The following DDX19A variants were observed in gnomAD, a reference collection of about 807,000 sequenced individuals.
DDX19A encodes DEAD-box helicase 19A.
Under a neutral mutation model 60.6 loss-of-function variants are expected in DDX19A, and 12 were observed. The ratio of observed to expected loss-of-function variants is 0.20; its 90% CI spans 0.13 to 0.32. DDX19A has a LOEUF of 0.32. DDX19A is among the 10% of genes least tolerant of loss of function. The probability of loss-of-function intolerance (pLI) is 1.00; values close to 1 mark genes in which losing one functional copy is unlikely to be tolerated. For synonymous variants in DDX19A, 206 were observed against 218.2 expected (o/e 0.94, Z 0.49); for missense variants, 337 against 600.6 (o/e 0.56, Z 4.59).
intron 2 of DDX19A, 99 bp from the exon 3 acceptor site, chr16:70,355,382 TAAAA>T: frequency 1.1e-6 from 1 of 941,512 alleles, no homozygotes; most frequent in Non-Finnish European, 1.7e-6. Context: ...GTCTGAAAAA[TAAAA>T]AAATAAAATA....
intron 4 of DDX19A, 61 bp downstream of exon 4, chr16:70,356,308 C>A: frequency 6.3e-7 from 1 of 1,580,408 alleles, no homozygotes; most frequent in Non-Finnish European, 8.6e-7. Flanking sequence ...TAAAACTTAG[C>A]ATCTGAGAGA....
chr16:70,369,933 T>TC (rs1342532225), intron 9 of DDX19A, among the ~76,000 whole-genome samples: 2 of 152,134 alleles, frequency 1.3e-5, no homozygotes. Context: ...TTTCGTAAGA[T>TC]TACAAGCCAG....
intron 5 of DDX19A, among the ~76,000 whole-genome samples, chr16:70,362,815 C>G (rs568430786): frequency 1.3e-3 from 196 of 151,458 alleles, no homozygotes; most frequent in African/African-American, 4.6e-3. Context: ...AGTTTGAGAC[C>G]AGCCTGGCCA....
At chr16:70,363,292 T>A (rs766749381) in intron 5 of DDX19A, 1 of 151,702 alleles carries the variant, frequency 6.6e-6, no homozygotes, top group Non-Finnish European at 1.5e-5. Context: ...GTAGCTAGGA[T>A]TACAGGCGCA....
chr16:70,354,833 T>C (rs1205327141), intron 2 of DDX19A, among the ~76,000 whole-genome samples: 1 of 152,044 alleles, frequency 6.6e-6, no homozygotes, highest in East Asian at 1.9e-4. Context: ...CCTGTAGTGC[T>C]AGCTACTCAG....
chr16:70,367,194 C>T (rs1388537743), intron 9 of DDX19A, among the ~76,000 whole-genome samples: 2 of 151,920 alleles, frequency 1.3e-5, no homozygotes, highest in African/African-American at 2.4e-5. Context: ...TTTGGGAGGC[C>T]GAGATGGGTG....
At chr16:70,356,658 A>AT (rs1005859463) in intron 4 of DDX19A, among the ~76,000 whole-genome samples, 5 of 151,604 alleles carry the variant, frequency 3.3e-5, no homozygotes, top group South Asian at 4.2e-4. Flanking sequence ...GTGCCTGGCT[A>AT]TTTTTTTTCT....
At chr16:70,361,589 C>A in intron 5 of DDX19A, 79 bp downstream of exon 5, 2 of 1,165,664 alleles carry the variant, frequency 1.7e-6, no homozygotes, top group Non-Finnish European at 2.5e-6. Flanking sequence ...TGCCTGAGAA[C>A]AGAAGGAGCT....
Position 70,346,916 on chromosome 16 carries a change from G to C in DDX19A, c.-76G>C. On this transcript the variant is annotated 5_prime_UTR_variant, in exon 1 of 12. Transcript: ENST00000302243. Reference sequence around the variant, plus strand: ...TCCGCGTGAGGTGCATTCTCGCGCCGGTGGCGAGGTTAGGGCCCGCGTTGC... The same window carrying C: ...TCCGCGTGAGGTGCATTCTCGCGCCCGTGGCGAGGTTAGGGCCCGCGTTGC... 6.8e-7 allele frequency: 1 copy of C among 1,462,726 alleles called. No individual in the cohort carries two copies. Among genetic ancestry groups the C allele is most frequent in the Non-Finnish European group, 9.4e-7 (1 of 1,067,780 alleles). The allele number at this position is 1,462,726 out of a possible 1,614,324, so 90.6% of individuals were successfully genotyped here.
At chr16:70,358,029 A>G (rs138800066) in intron 4 of DDX19A, among the ~76,000 whole-genome samples, 122 of 151,804 alleles carry the variant, frequency 8.0e-4, no homozygotes, top group African/African-American at 2.9e-3. Context: ...TTTTATTTCT[A>G]TTCATTTATT....
chr16:70,371,326 G>T (rs767129930), intron 10 of DDX19A, 46 bp from the exon 11 acceptor site: 1 of 1,614,124 alleles, frequency 6.2e-7, no homozygotes, highest in Non-Finnish European at 8.5e-7. Flanking sequence ...AGTGATTTCT[G>T]TCTCCTGTCC....
intron 8 of DDX19A, 69 bp downstream of exon 8, chr16:70,366,331 C>A: frequency 6.4e-7 from 1 of 1,570,668 alleles, no homozygotes. Context: ...TCACTTCAGA[C>A]GCCTCCTCTG....
At chr16:70,358,705 C>G (rs776265322) in intron 4 of DDX19A, among the ~76,000 whole-genome samples, 1 of 151,954 alleles carries the variant, frequency 6.6e-6, no homozygotes, top group Non-Finnish European at 1.5e-5. Flanking sequence ...AATTAGCCGG[C>G]TGTAATGGCA....
In DDX19A at chr16:70,348,284, G is replaced by A. The variant is rs145112800; in HGVS notation, c.57+1236G>A. On this transcript the variant is annotated intron_variant, in intron 1 of 11. Coordinates refer to ENST00000302243, the MANE Select transcript of DDX19A (RefSeq NM_018332.5). Reference sequence around the variant, plus strand: ...CCTGGATCCTATTGGTACTACTAACGTCCCAATAACAGGAATAGGAAAGTG... The same window carrying A: ...CCTGGATCCTATTGGTACTACTAACATCCCAATAACAGGAATAGGAAAGTG... Among the ~76,000 whole-genome samples the A allele has an allele frequency of 1.8e-3, 277 of 152,096 alleles. 5 individuals are homozygous for A. The highest frequency in any genetic ancestry group is 6.2e-3 in the African/African-American group (256 of 41,488).
At chr16:70,348,198 T>C (rs1006768795) in intron 1 of DDX19A, among the ~76,000 whole-genome samples, 2 of 151,952 alleles carry the variant, frequency 1.3e-5, no homozygotes, top group African/African-American at 2.4e-5. Context: ...GTAGAATGGG[T>C]AGGACTTGCT....
At chr16:70,366,596 G>T in intron 8 of DDX19A, 28 bp from the exon 9 acceptor site, 1 of 1,613,628 alleles carries the variant, frequency 6.2e-7, no homozygotes, top group Non-Finnish European at 8.5e-7. Context: ...GGCCACCTGG[G>T]GCCATCTACC....
At chr16:70,353,762 A>G (rs995678874) in intron 2 of DDX19A, among the ~76,000 whole-genome samples, 32 of 151,922 alleles carry the variant, frequency 2.1e-4, no homozygotes, top group African/African-American at 7.7e-4. Flanking sequence ...TTGCCCGGGC[A>G]TGGTGGTGCA....
At chr16:70,348,501 C>T (rs1963913646) in intron 1 of DDX19A, among the ~76,000 whole-genome samples, 1 of 151,884 alleles carries the variant, frequency 6.6e-6, no homozygotes, top group East Asian at 1.9e-4. Flanking sequence ...TAGTCGTCCC[C>T]TGTTAATACC....
At chr16:70,355,816 G>T (rs988457886) in intron 3 of DDX19A, 1 of 573,242 alleles carries the variant, frequency 1.7e-6, no homozygotes, top group Non-Finnish European at 3.1e-6. Context: ...TTCAAAATGA[G>T]CTGGGTGTGG....
Sources: allele counts gnomAD v4.1 joint callset (sites outside exome capture counted in the v4.1 genomes callset), GRCh38; gene constraint gnomAD v4.1.1; transcripts MANE v1.5; gene names NCBI Gene and HGNC (gene_info 2026-07-23, HGNC 2026-07-21).